RECK: variants seen among roughly 807,000 people sequenced by gnomAD.
The protein encoded by RECK is reversion inducing cysteine rich protein with kazal motifs.
A neutral mutation model predicts 115.1 loss-of-function variants in RECK; 69 were observed. The observed-to-expected ratio is 0.60, with a 90% confidence interval of 0.49 to 0.73. The LOEUF is 0.73. Ranked by LOEUF, RECK falls within the 30% of genes least tolerant of loss-of-function variation. The pLI, the probability that RECK is intolerant of heterozygous loss-of-function variation, is 0.00. For missense variants in RECK, 1,047 were observed against 1,203.7 expected (o/e 0.87, Z 1.93); for synonymous variants, 414 against 419.7 (o/e 0.99, Z 0.17).
At chr9:36,117,785 G>A (rs1045910590) in intron 17 of RECK, among the ~76,000 whole-genome samples, 1 of 152,196 alleles carries the variant, frequency 6.6e-6, no homozygotes, top group Non-Finnish European at 1.5e-5. Context: ...TTCAAGATCA[G>A]CTTGACCAAC....
intron 4 of RECK, among the ~76,000 whole-genome samples, chr9:36,062,397 G>A (rs926461241): frequency 6.6e-6 from 1 of 152,174 alleles, no homozygotes; most frequent in Non-Finnish European, 1.5e-5. Context: ...CTGACTTCAA[G>A]TGATCCACCC....
chr9:36,093,302 A>C (rs1430015130), intron 10 of RECK, among the ~76,000 whole-genome samples: 1 of 152,230 alleles, frequency 6.6e-6, no homozygotes, highest in African/African-American at 2.4e-5. Context: ...ACAATCAAAA[A>C]TTACTAGAAA....
chr9:36,046,048 C>A (rs556958533), intron 1 of RECK, among the ~76,000 whole-genome samples: 55 of 152,182 alleles, frequency 3.6e-4, no homozygotes, highest in African/African-American at 1.3e-3. Context: ...AAGATAACAC[C>A]TGTGTTTTTT....
intron 18 of RECK, among the ~76,000 whole-genome samples, chr9:36,119,424 T>C (rs1175724000): frequency 6.6e-6 from 1 of 152,214 alleles, no homozygotes; most frequent in Non-Finnish European, 1.5e-5. Context: ...TTTAATTGTT[T>C]TAGTTGCATA....
Position 36,087,850 on chromosome 9 carries a change from T to C in RECK, c.794T>C (p.Leu265Pro). 6.2e-7 allele frequency: 1 copy of C among 1,614,082 alleles called. No homozygotes were observed. Among genetic ancestry groups the C allele is most frequent in the Non-Finnish European group, 8.5e-7 (1 of 1,179,950 alleles). ...CAAGATCCTCTTTGGCAATGTTTTC[T>C]TGAAAGCTCACAATCTGTTCACCCT... is the stretch of plus-strand genomic sequence containing the variant. ...LPQDPLWQCF[L>P]ESSQSVHPGV... is the part of the protein sequence containing the mutation. Residue 265 changes from leucine to proline, a missense_variant, in exon 9 of 21, where the codon CTT becomes CCT. Coordinates refer to ENST00000377966, the MANE Select transcript of RECK (RefSeq NM_021111.3).
At chr9:36,048,537 A>C (rs565460731) in intron 1 of RECK, among the ~76,000 whole-genome samples, 1 of 151,998 alleles carries the variant, frequency 6.6e-6, no homozygotes, top group South Asian at 2.1e-4. Flanking sequence ...CAAGCCCCCA[A>C]CCCTATCTCA....
intron 1 of RECK, among the ~76,000 whole-genome samples, chr9:36,048,728 C>T (rs1821170519): frequency 6.6e-6 from 1 of 152,166 alleles, no homozygotes; most frequent in Admixed American, 6.5e-5. Context: ...TATCCCTATT[C>T]CTAAACACAG....
Position 36,037,073 on chromosome 9 carries a change from AG to A in RECK, c.80del (p.Gly27AlafsTer37), listed in dbSNP as rs1232892058. 3 of 1,381,632 alleles carry A rather than the reference AG, an allele frequency of 2.2e-6. No homozygotes were observed. Among genetic ancestry groups the A allele is most frequent in the Non-Finnish European group, 1.9e-6 (2 of 1,062,230 alleles). 85.6% of individuals were successfully genotyped at this position (1,381,632 alleles called of 1,614,324 possible). A position where few individuals can be genotyped will look rare whatever the true frequency, so the allele number is the denominator to read the frequency against. On this transcript the variant is annotated frameshift_variant, in exon 1 of 21. Coordinates refer to ENST00000377966, the MANE Select transcript of RECK (RefSeq NM_021111.3). LOFTEE classifies it high-confidence loss of function. ...LAVAGVAEVA[G>X]GLAPGSAGAL... ...CCGTGGCGGGGGTCGCGGAGGTGGCAGGGGGCCTGGCTCCGGGCAGTGCGGG... is the reference window on the plus strand; with the variant it reads ...CCGTGGCGGGGGTCGCGGAGGTGGCAGGGGCCTGGCTCCGGGCAGTGCGGG...
intron 1 of RECK, among the ~76,000 whole-genome samples, chr9:36,049,156 C>T (rs147728310): frequency 6.6e-6 from 1 of 152,290 alleles, no homozygotes; most frequent in African/African-American, 2.4e-5. Flanking sequence ...GAATCAGGTG[C>T]ATCATCTTCC....
chr9:36,063,543 G>A (rs1821866797), intron 4 of RECK, among the ~76,000 whole-genome samples: 1 of 152,152 alleles, frequency 6.6e-6, no homozygotes, highest in Non-Finnish European at 1.5e-5. Context: ...GACTTAAAGA[G>A]CATTTAGGGT....
chr9:36,122,543 A>C (rs771425527), intron 20 of RECK, among the ~76,000 whole-genome samples: 11 of 151,880 alleles, frequency 7.2e-5, no homozygotes, highest in Middle Eastern at 3.2e-3. Flanking sequence ...GGCTCAAGCT[A>C]CCCTCCCACC....
At chr9:36,103,141 G>A (rs1376335354) in intron 12 of RECK, among the ~76,000 whole-genome samples, 1 of 152,144 alleles carries the variant, frequency 6.6e-6, no homozygotes, top group Non-Finnish European at 1.5e-5. Flanking sequence ...GAAACCAGGG[G>A]ATGACAAGTA....
chr9:36,101,710 G>C (rs1442521589), intron 11 of RECK, among the ~76,000 whole-genome samples: 1 of 151,832 alleles, frequency 6.6e-6, no homozygotes, highest in East Asian at 1.9e-4. Context: ...AAGAGACTTA[G>C]ATAAGGAAGG....
At chr9:36,082,874 G>T (rs1005869892) in intron 7 of RECK, among the ~76,000 whole-genome samples, 1 of 152,174 alleles carries the variant, frequency 6.6e-6, no homozygotes, top group African/African-American at 2.4e-5. Flanking sequence ...TTTTATAAAT[G>T]TGAGGGATTT....
At chr9:36,064,590 G>A (rs1265150684) in intron 5 of RECK, among the ~76,000 whole-genome samples, 3 of 152,266 alleles carry the variant, frequency 2.0e-5, no homozygotes, top group African/African-American at 7.2e-5. Context: ...AAGAGTATAT[G>A]AGATATGGTA....
At chr9:36,102,741 G>A (rs1823608335) in intron 12 of RECK, among the ~76,000 whole-genome samples, 1 of 151,958 alleles carries the variant, frequency 6.6e-6, no homozygotes, top group South Asian at 2.1e-4. Context: ...GGATCACGAG[G>A]TCAGGGGATC....
intron 6 of RECK, among the ~76,000 whole-genome samples, chr9:36,076,095 T>C (rs1327835225): frequency 2.0e-5 from 3 of 152,124 alleles, no homozygotes; most frequent in Admixed American, 6.5e-5. Flanking sequence ...CAGCCAGATA[T>C]ACGTAGCAAG....
intron 6 of RECK, among the ~76,000 whole-genome samples, chr9:36,078,082 A>T (rs1488769519): frequency 1.3e-5 from 2 of 152,248 alleles, no homozygotes; most frequent in Non-Finnish European, 2.9e-5. Context: ...TTTTAAAAGT[A>T]TGTAACTGAA....
rs893347751 is a variant in RECK, at chr9:36,123,935, T to C, written c.*890T>C. 12 of 152,700 alleles carry C rather than the reference T, an allele frequency of 7.9e-5. No individual in the cohort carries two copies. The highest frequency in any genetic ancestry group is 1.6e-4 in the Non-Finnish European group (11 of 68,052). The allele number at this position is 152,700 out of a possible 1,614,324, so 9.5% of individuals were successfully genotyped here. ...AATACATTATATTTCTATTTTATTA[T>C]GAAGAAGGTGAATAGCCATATTTGT... On this transcript the variant is annotated 3_prime_UTR_variant, in exon 21 of 21. Coordinates refer to ENST00000377966, the MANE Select transcript of RECK (RefSeq NM_021111.3).
Sources: allele counts gnomAD v4.1 joint callset (sites outside exome capture counted in the v4.1 genomes callset), GRCh38; gene constraint gnomAD v4.1.1; transcripts MANE v1.5; gene names NCBI Gene and HGNC (gene_info 2026-07-23, HGNC 2026-07-21).